The following OR51B2 variants were observed in gnomAD, a reference collection of about 807,000 sequenced individuals.
The protein encoded by OR51B2 is olfactory receptor family 51 subfamily B member 2.
For synonymous variants in OR51B2, 158 were observed against 135.3 expected, an observed-to-expected ratio of 1.17 and a Z score of -1.16; for missense variants, 463 against 380.1, an observed-to-expected ratio of 1.22 and a Z score of -1.81.
rs748523810 is a variant in OR51B2 at position 5,324,108 on chromosome 11, G to C, written c.190C>G (p.Leu64Val). 4.3e-6 allele frequency: 7 copies of C among 1,613,774 alleles called. No homozygotes were observed. The highest frequency in any genetic ancestry group is 5.1e-6 in the Non-Finnish European group (6 of 1,179,920). ...GTCACCATGAGGTCTGTGCCTGCCA[G>C]CATGGTGAGGAAGTAGTACATGGGC... Reference protein sequence around the residue: ...HEPMYYFLTMLAGTDLMVTLT... With the variant: ...HEPMYYFLTMVAGTDLMVTLT... The change falls in exon 1 of 1, where the codon CTG becomes GTG. Residue 64 changes from leucine (L) to valine (V), a missense_variant. By Grantham distance (32) the Leu-to-Val change is conservative. Coordinates refer to ENST00000624187, the MANE Select transcript of OR51B2 (RefSeq NM_033180.5).
rs774481530 is a variant in OR51B2, at chr11:5,324,100, G to T, written c.198C>A (p.Gly66=). The part of the protein sequence containing the change: ...PMYYFLTMLA[G]TDLMVTLTTM... ...TGGTCAATGTCACCATGAGGTCTGTGCCTGCCAGCATGGTGAGGAAGTAGT... is the reference window on the plus strand; with the variant it reads ...TGGTCAATGTCACCATGAGGTCTGTTCCTGCCAGCATGGTGAGGAAGTAGT... Residue 66 remains glycine (G), a synonymous_variant, in exon 1 of 1, where the codon GGC becomes GGA. Coordinates refer to ENST00000624187, the MANE Select transcript of OR51B2 (RefSeq NM_033180.5). 1.7e-5 allele frequency: 28 copies of T among 1,613,796 alleles called. No individual in the cohort carries two copies. The highest frequency in any genetic ancestry group is 2.2e-5 in the Non-Finnish European group (26 of 1,179,910).
chr11:5,324,194 C>T lies in OR51B2; in HGVS notation c.104G>A (p.Cys35Tyr). The change falls in exon 1 of 1, where the codon TGC (cysteine) becomes TAC (tyrosine). Residue 35 changes from cysteine to tyrosine, a missense_variant. Cys to Tyr is a radical substitution (Grantham distance 194). Transcript: ENST00000624187. ...ISIPFFAVYV[C>Y]ILLGNGMLLY... ...GAGCATGCCATTGCCCAGAAGGATG[C>T]ACACATAAACAGCAAAGAAGGGGAT... The T allele has an allele frequency of 6.2e-7, 1 of 1,614,020 alleles. No homozygotes were observed. The highest frequency in any genetic ancestry group is 8.5e-7 in the Non-Finnish European group (1 of 1,179,952).
Position 5,323,723 on chromosome 11 carries a change from A to C in OR51B2, c.575T>G (p.Phe192Cys). The C allele has an allele frequency of 6.2e-7, 1 of 1,613,820 alleles. No homozygotes were observed. The highest frequency in any genetic ancestry group is 8.5e-7 in the Non-Finnish European group (1 of 1,179,938). ...IMRLACADIT[F>C]NRLYPVILIS... ...CAAAATTACAGGGTAAAGTCTATTGAAAGTTATGTCAGCACAAGCCAGTCT... is the reference window on the plus strand; with the variant it reads ...CAAAATTACAGGGTAAAGTCTATTGCAAGTTATGTCAGCACAAGCCAGTCT... Residue 192 changes from phenylalanine (F) to cysteine (C), a missense_variant, in exon 1 of 1, where the codon TTC (phenylalanine) becomes TGC (cysteine). Phe to Cys is a radical substitution (Grantham distance 205). Transcript: ENST00000624187.
rs746543267 is a variant in OR51B2 at position 5,324,065 on chromosome 11, G to A, written c.233C>T (p.Thr78Ile). 2 of 1,613,820 alleles carry A rather than the reference G, an allele frequency of 1.2e-6. No homozygotes were observed. The highest frequency in any genetic ancestry group is 1.7e-6 in the Non-Finnish European group (2 of 1,179,826). Residue 78 changes from threonine to isoleucine, a missense_variant, in exon 1 of 1, where the codon ACT becomes ATT. Coordinates refer to ENST00000624187, the MANE Select transcript of OR51B2 (RefSeq NM_033180.5). The stretch of plus-strand genomic sequence containing the variant: ...ATTCACCCATAGGATGCCCATTACA[G>A]TAGGCATCGTGGTCAATGTCACCAT... ...DLMVTLTTMP[T>I]VMGILWVNHR... is the part of the protein sequence containing the mutation.
chr11:5,323,671 A>G lies in OR51B2; in HGVS notation c.627T>C (p.Cys209=), dbSNP rs1848701798. The part of the protein sequence containing the change: ...ILISLTIFLD[C]LIILFSYILI... ...GAATATAGGAGAAGAGGATGATCAG[A>G]CAGTCTAGGAAGATTGTTAAAGAGA... The change falls in exon 1 of 1, where the codon TGT becomes TGC. Residue 209 remains cysteine (C), a synonymous_variant. Coordinates refer to ENST00000624187, the MANE Select transcript of OR51B2 (RefSeq NM_033180.5). 3 of 1,613,152 alleles carry G rather than the reference A, an allele frequency of 1.9e-6. No homozygotes were observed. The highest frequency in any genetic ancestry group is 1.7e-5 in the Admixed American group (1 of 59,924).
Position 5,323,909 on chromosome 11 carries a change from T to TTTGAGA in OR51B2, c.388_389insTCTCAA (p.Tyr130delinsPheSerAsn), listed in dbSNP as rs752158101. On this transcript the variant is annotated protein_altering_variant, in exon 1 of 1. Transcript: ENST00000624187. ...TCTAGTATTGGTGAGAATGGAAGCA[T>TTTGAGA]ATCTCAAAGGATTGCGGATGGCAAT... 1 of 1,613,962 alleles carries TTTGAGA rather than the reference T, an allele frequency of 6.2e-7. No individual in the cohort carries two copies. Among genetic ancestry groups the TTTGAGA allele is most frequent in the East Asian group, 2.2e-5 (1 of 44,842 alleles).
At position 5,324,269 on chromosome 11, in the gene OR51B2, A is replaced by T; in HGVS notation, c.29T>A (p.Phe10Tyr). 1 of 1,613,510 alleles carries T rather than the reference A, an allele frequency of 6.2e-7. No individual in the cohort carries two copies. The highest frequency in any genetic ancestry group is 8.5e-7 in the Non-Finnish European group (1 of 1,179,728). MWPNITAAP[F>Y]LLTGFPGLEA... ...CAGCCCTGGAAAGCCAGTCAGCAAA[A>T]AAGGGGCTGCAGTAATATTGGGCCA... is the stretch of plus-strand genomic sequence containing the variant. Residue 10 changes from phenylalanine (F) to tyrosine (Y), a missense_variant, in exon 1 of 1, where the codon TTT becomes TAT. Physicochemically the swap from Phe to Tyr is conservative, Grantham distance 22. Coordinates refer to ENST00000624187, the MANE Select transcript of OR51B2 (RefSeq NM_033180.5).
chr11:5,323,715 G>C lies in OR51B2; in HGVS notation c.583C>G (p.Leu195Val). 1.2e-6 allele frequency: 2 copies of C among 1,613,582 alleles called. No homozygotes were observed. Among genetic ancestry groups the C allele is most frequent in the Middle Eastern group, 3.3e-4 (2 of 6,054 alleles). Residue 195 changes from leucine (L) to valine (V), a missense_variant, in exon 1 of 1, where the codon CTT becomes GTT. Leu to Val is a conservative substitution (Grantham distance 32). Transcript: ENST00000624187. Reference sequence around the variant, plus strand: ...AAAGAGATCAAAATTACAGGGTAAAGTCTATTGAAAGTTATGTCAGCACAA... The same window carrying C: ...AAAGAGATCAAAATTACAGGGTAAACTCTATTGAAAGTTATGTCAGCACAA... Reference protein sequence around the residue: ...LACADITFNRLYPVILISLTI... With the variant: ...LACADITFNRVYPVILISLTI...
chr11:5,323,704 T>G lies in OR51B2; in HGVS notation c.594A>C (p.Val198=), dbSNP rs145927879. ...ADITFNRLYP[V]ILISLTIFLD... ...GGAAGATTGTTAAAGAGATCAAAAT[T>G]ACAGGGTAAAGTCTATTGAAAGTTA... The change falls in exon 1 of 1, where the codon GTA becomes GTC. Residue 198 remains valine, a synonymous_variant. Coordinates refer to ENST00000624187, the MANE Select transcript of OR51B2 (RefSeq NM_033180.5). 9.4e-5 allele frequency: 152 copies of G among 1,613,000 alleles called. No homozygotes were observed. The African/African-American group carries it at 1.8e-3, about 20-fold the overall frequency.
At position 5,323,708 on chromosome 11, in the gene OR51B2, G is replaced by A. The variant is rs746117255; in HGVS notation, c.590C>T (p.Pro197Leu). Residue 197 changes from proline to leucine, a missense_variant, in exon 1 of 1, where the codon CCT (proline) becomes CTT (leucine). Physicochemically the swap from Pro to Leu is moderately conservative, Grantham distance 98. Transcript: ENST00000624187. The part of the protein sequence containing the change: ...CADITFNRLY[P>L]VILISLTIFL... ...GATTGTTAAAGAGATCAAAATTACA[G>A]GGTAAAGTCTATTGAAAGTTATGTC... 3.1e-6 allele frequency: 5 copies of A among 1,613,272 alleles called. No homozygotes were observed. Among genetic ancestry groups the A allele is most frequent in the Non-Finnish European group, 4.2e-6 (5 of 1,179,746 alleles).
Position 5,324,210 on chromosome 11 carries a change from AG to A in OR51B2, c.87del (p.Phe30LeufsTer42). ...EAAHHWISIP[F>X]FAVYVCILLG... ...AGAAGGATGCACACATAAACAGCAA[AG>A]AAGGGGATGGAGATCCAGTGATGAG... On this transcript the variant is annotated frameshift_variant, in exon 1 of 1. Transcript: ENST00000624187. LOFTEE classifies it low-confidence loss of function (END_TRUNC). 1 of 1,614,052 alleles carries A rather than the reference AG, an allele frequency of 6.2e-7. No individual in the cohort carries two copies. Among genetic ancestry groups the A allele is most frequent in the Non-Finnish European group, 8.5e-7 (1 of 1,179,934 alleles).
Position 5,323,803 on chromosome 11 carries a change from T to C in OR51B2, c.495A>G (p.Ser165=), listed in dbSNP as rs772187246. ...GTGTGATAACATGAGATTTGCAATA[T>C]GAAAATGAAAAAAGACGCAAAATTA... ...LPVILRLFSF[S]YCKSHVITRA... is the part of the protein sequence containing the mutation. The change falls in exon 1 of 1, where the codon TCA becomes TCG. Residue 165 remains serine, a synonymous_variant. Transcript: ENST00000624187. The C allele has an allele frequency of 4.3e-5, 69 of 1,613,414 alleles. No individual in the cohort carries two copies. Among genetic ancestry groups the C allele is most frequent in the Non-Finnish European group, 5.1e-5 (60 of 1,179,906 alleles).
Position 5,324,176 on chromosome 11 carries a change from C to A in OR51B2, c.122G>T (p.Gly41Val), listed in dbSNP as rs142767580. The part of the protein sequence containing the change: ...AVYVCILLGN[G>V]MLLYLIKHDH... ...ATGCTTGATGAGGTAGAGGAGCATG[C>A]CATTGCCCAGAAGGATGCACACATA... Residue 41 changes from glycine to valine, a missense_variant, in exon 1 of 1, where the codon GGC becomes GTC. Physicochemically the swap from Gly to Val is moderately radical, Grantham distance 109. Coordinates refer to ENST00000624187, the MANE Select transcript of OR51B2 (RefSeq NM_033180.5). The A allele has an allele frequency of 1.5e-4, 250 of 1,613,938 alleles. No individual in the cohort carries two copies. In the African/African-American group the frequency reaches 3.0e-3, roughly 20 times the overall value.
In OR51B2 at chr11:5,323,897, A is replaced by G. The variant is rs763817910; in HGVS notation, c.401T>C (p.Leu134Pro). The G allele has an allele frequency of 6.2e-7, 1 of 1,614,040 alleles. No individual in the cohort carries two copies. The highest frequency in any genetic ancestry group is 1.1e-5 in the South Asian group (1 of 91,080). ...TAACGCTATGACTCTAGTATTGGTG[A>G]GAATGGAAGCATATCTCAAAGGATT... is the stretch of plus-strand genomic sequence containing the variant. ...IRNPLRYASILTNTRVIALGV... is the reference protein window; with the variant it reads ...IRNPLRYASIPTNTRVIALGV... Residue 134 changes from leucine to proline, a missense_variant, in exon 1 of 1, where the codon CTC becomes CCC. By Grantham distance (98) the Leu-to-Pro change is moderately conservative. Transcript: ENST00000624187.
chr11:5,324,019 C>G lies in OR51B2; in HGVS notation c.279G>C (p.Val93=). The G allele has an allele frequency of 1.2e-6, 2 of 1,613,956 alleles. No individual in the cohort carries two copies. Among genetic ancestry groups the G allele is most frequent in the Non-Finnish European group, 1.7e-6 (2 of 1,179,962 alleles). The change falls in exon 1 of 1, where the codon GTG becomes GTC. Residue 93 remains valine (V), a synonymous_variant. Coordinates refer to ENST00000624187, the MANE Select transcript of OR51B2 (RefSeq NM_033180.5). ...TAAAGTAAGCCTGTAGGAAGCAGCC[C>G]ACACTGCTAATCTCCCTGTGATTCA... ...LWVNHREISS[V]GCFLQAYFIH...
rs200357780 is a variant in OR51B2, at chr11:5,323,543, G to A, written c.755C>T (p.Thr252Ile). Reference sequence around the variant, plus strand: ...GTAAATGAATGTCAAACCCATCACTGTAACATAGAAGATAAGAACACAACT... The same window carrying A: ...GTAAATGAATGTCAAACCCATCACTATAACATAGAAGATAAGAACACAACT... ...HISCVLIFYVTVMGLTFIYRF... is the reference protein window; with the variant it reads ...HISCVLIFYVIVMGLTFIYRF... The change falls in exon 1 of 1, where the codon ACA becomes ATA. Residue 252 changes from threonine (T) to isoleucine (I), a missense_variant. By Grantham distance (89) the Thr-to-Ile change is moderately conservative (BLOSUM62 -1). Coordinates refer to ENST00000624187, the MANE Select transcript of OR51B2 (RefSeq NM_033180.5). The A allele has an allele frequency of 2.4e-4, 393 of 1,613,460 alleles. No homozygotes were observed. Among genetic ancestry groups the A allele is most frequent in the Non-Finnish European group, 3.0e-4 (351 of 1,179,640 alleles).
At position 5,323,962 on chromosome 11, in the gene OR51B2, G is replaced by A. The variant is rs1848706580; in HGVS notation, c.336C>T (p.Ser112=). ...AACAATCATATGCCATTGCCAGGAG[G>A]GAACCTGATTCCACAACAGAAAGGG... ...IHSLSVVESG[S]LLAMAYDCFI... Residue 112 remains serine, a synonymous_variant, in exon 1 of 1, where the codon TCC becomes TCT. Coordinates refer to ENST00000624187, the MANE Select transcript of OR51B2 (RefSeq NM_033180.5). 1 of 1,613,886 alleles carries A rather than the reference G, an allele frequency of 6.2e-7. No homozygotes were observed. Among genetic ancestry groups the A allele is most frequent in the Non-Finnish European group, 8.5e-7 (1 of 1,179,950 alleles).
chr11:5,323,730 T>G lies in OR51B2; in HGVS notation c.568A>C (p.Ile190Leu), dbSNP rs762499259. Reference sequence around the variant, plus strand: ...ACAGGGTAAAGTCTATTGAAAGTTATGTCAGCACAAGCCAGTCTCATGATT... The same window carrying G: ...ACAGGGTAAAGTCTATTGAAAGTTAGGTCAGCACAAGCCAGTCTCATGATT... ...QEIMRLACAD[I>L]TFNRLYPVIL... The change falls in exon 1 of 1, where the codon ATA becomes CTA. Residue 190 changes from isoleucine to leucine, a missense_variant. Transcript: ENST00000624187. 6.2e-7 allele frequency: 1 copy of G among 1,613,322 alleles called. No individual in the cohort carries two copies.
rs1489196709 is a variant in OR51B2, at chr11:5,323,893, G to T, written c.405C>A (p.Thr135=). ...RNPLRYASIL[T]NTRVIALGVG... ...CTCCTAACGCTATGACTCTAGTATTGGTGAGAATGGAAGCATATCTCAAAG... is the reference window on the plus strand; with the variant it reads ...CTCCTAACGCTATGACTCTAGTATTTGTGAGAATGGAAGCATATCTCAAAG... Residue 135 remains threonine (T), a synonymous_variant, in exon 1 of 1, where the codon ACC becomes ACA. Coordinates refer to ENST00000624187, the MANE Select transcript of OR51B2 (RefSeq NM_033180.5). 1 of 1,613,832 alleles carries T rather than the reference G, an allele frequency of 6.2e-7. No homozygotes were observed. Among genetic ancestry groups the T allele is most frequent in the Admixed American group, 1.7e-5 (1 of 59,974 alleles).
Sources: gnomAD v4.1 joint callset for allele counts on GRCh38, gnomAD v4.1.1 for gene constraint, MANE v1.5 for transcripts, NCBI Gene and HGNC (gene_info 2026-07-23, HGNC 2026-07-21) for gene names.